The following OTUD7B variants were observed in gnomAD, a reference collection of about 807,000 sequenced individuals.
The protein encoded by OTUD7B is OTU deubiquitinase 7B, also known as OTU domain-containing protein 7B.
In OTUD7B, 34 loss-of-function variants were observed where a neutral mutation model predicts 82.2. The ratio of observed to expected loss-of-function variants is 0.41; its 90% CI spans 0.31 to 0.55. The LOEUF (loss-of-function observed/expected upper bound fraction) is 0.55, where lower values mean the gene tolerates loss of function less well. Ranked by LOEUF, OTUD7B falls within the 20% of genes least tolerant of loss-of-function variation. The pLI is 0.20. For synonymous variants in OTUD7B, 398 were observed against 402.7 expected, an observed-to-expected ratio of 0.99 and a Z score of 0.14; for missense variants, 944 against 1,062.1, an observed-to-expected ratio of 0.89 and a Z score of 1.55.
At chr1:150,046,823 C>G in the OTUD7B span, among the ~76,000 whole-genome samples, 1 of 151,768 alleles carries the variant, frequency 6.6e-6, no homozygotes, top group Admixed American at 6.6e-5. Flanking sequence ...GTAATCCCAG[C>G]ACTTTGGGAG....
At chr1:150,025,725 C>T in the OTUD7B span, among the ~76,000 whole-genome samples, 1 of 152,280 alleles carries the variant, frequency 6.6e-6, no homozygotes, top group African/African-American at 2.4e-5. Context: ...CATATTGGGT[C>T]AGGTGACCAT....
At chr1:150,014,082 G>A (rs57767970), upstream of OTUD7B, among the ~76,000 whole-genome samples, 6,887 of 31,770 alleles carry the variant, frequency 0.22, 240 homozygotes, top group African/African-American at 0.27. Flanking sequence ...GTGTGTGTGT[G>A]TGTATATATA....
At chr1:150,009,943 A>T (rs1177637809) in intron 1 of OTUD7B, among the ~76,000 whole-genome samples, 8 of 150,886 alleles carry the variant, frequency 5.3e-5, no homozygotes, top group African/African-American at 1.2e-4. Flanking sequence ...TCCCTCTCTC[A>T]CACACACACA....
chr1:150,000,351 T>TGTA (rs1652195809), intron 1 of OTUD7B, among the ~76,000 whole-genome samples: 1 of 152,036 alleles, frequency 6.6e-6, no homozygotes, highest in African/African-American at 2.4e-5. Flanking sequence ...AGCGCGCACC[T>TGTA]GTAGTCCCAG....
At chr1:149,991,920 A>G (rs1188720900) in intron 1 of OTUD7B, among the ~76,000 whole-genome samples, 5 of 152,222 alleles carry the variant, frequency 3.3e-5, no homozygotes, top group Non-Finnish European at 7.3e-5. Flanking sequence ...TATTTAGGAA[A>G]GGAAATCATC....
chr1:149,989,945 C>T (rs1651450481), intron 1 of OTUD7B, among the ~76,000 whole-genome samples: 1 of 152,132 alleles, frequency 6.6e-6, no homozygotes, highest in East Asian at 1.9e-4. Flanking sequence ...AAAACATCCA[C>T]CTGGCATCTG....
chr1:150,049,135 G>A, the OTUD7B span, among the ~76,000 whole-genome samples: 916 of 152,172 alleles, frequency 6.0e-3, 5 homozygotes, highest in Non-Finnish European at 9.3e-3. Context: ...ACCATGCCCC[G>A]TCTACTTAGA....
At chr1:150,003,256 A>G (rs1329460842) in intron 1 of OTUD7B, among the ~76,000 whole-genome samples, 1 of 10,994 alleles carries the variant, frequency 9.1e-5, no homozygotes, top group African/African-American at 3.8e-4. Flanking sequence ...TCTCAAAAAA[A>G]AAAAAAAAAA....
the OTUD7B span, chr1:150,067,610 G>A: frequency 2.4e-5 from 12 of 497,540 alleles, no homozygotes; most frequent in African/African-American, 1.6e-4. Flanking sequence ...GCCGCAGGTG[G>A]GTGGAGAATA....
the OTUD7B span, among the ~76,000 whole-genome samples, chr1:150,063,573 G>A: frequency 3.0e-4 from 45 of 152,262 alleles, no homozygotes; most frequent in African/African-American, 6.0e-4. Context: ...ATTCAGGATC[G>A]TTATTTTAAA....
the OTUD7B span, among the ~76,000 whole-genome samples, chr1:150,019,513 A>T: frequency 6.6e-6 from 1 of 152,208 alleles, no homozygotes; most frequent in African/African-American, 2.4e-5. Context: ...AATTACAGGC[A>T]TGGGCACCAT....
At chr1:149,986,182 G>A (rs1553780729) in intron 1 of OTUD7B, among the ~76,000 whole-genome samples, 1 of 151,332 alleles carries the variant, frequency 6.6e-6, no homozygotes, top group Non-Finnish European at 1.5e-5. Context: ...CAGCATCCAA[G>A]CACAGCAGGC....
intron 6 of OTUD7B, 134 bp downstream of exon 6, chr1:149,964,088 C>G (rs1553775998): frequency 9.9e-7 from 1 of 1,014,582 alleles, no homozygotes; most frequent in African/African-American, 1.6e-5. Context: ...ACTGCATTTT[C>G]TCCAATTTTC....
the OTUD7B span, among the ~76,000 whole-genome samples, chr1:150,041,425 C>T: frequency 6.6e-5 from 10 of 152,256 alleles, no homozygotes; most frequent in East Asian, 1.2e-3. Flanking sequence ...CTCCGCCTCC[C>T]GCGTTCAAGC....
At chr1:149,993,332 T>C (rs1392123509) in intron 1 of OTUD7B, among the ~76,000 whole-genome samples, 1 of 152,166 alleles carries the variant, frequency 6.6e-6, no homozygotes, top group Non-Finnish European at 1.5e-5. Flanking sequence ...GACTCAATCA[T>C]TCAAAAAGCA....
chr1:149,980,443 G>C (rs974051542), intron 1 of OTUD7B, among the ~76,000 whole-genome samples: 3 of 152,002 alleles, frequency 2.0e-5, no homozygotes, highest in African/African-American at 4.8e-5. Flanking sequence ...TGTTTGGGCC[G>C]GGCACAGTGG....
intron 1 of OTUD7B, among the ~76,000 whole-genome samples, chr1:149,998,835 T>A (rs773819965): frequency 2.1e-4 from 32 of 152,250 alleles, no homozygotes; most frequent in Non-Finnish European, 4.3e-4. Context: ...ATTTTCTGGG[T>A]CTCATTTTCC....
At chr1:150,018,012 G>C in the OTUD7B span, among the ~76,000 whole-genome samples, 4 of 152,056 alleles carry the variant, frequency 2.6e-5, no homozygotes, top group Non-Finnish European at 5.9e-5. Flanking sequence ...TGTTGCTTAT[G>C]GTCTATGGAC....
chr1:149,971,623 GTC>G (rs1649946024), intron 2 of OTUD7B, among the ~76,000 whole-genome samples: 1 of 152,062 alleles, frequency 6.6e-6, no homozygotes, highest in Non-Finnish European at 1.5e-5. Flanking sequence ...TCAGGCCCAG[GTC>G]TCCTAATTCT....
Sources: allele counts gnomAD v4.1 joint callset (sites outside exome capture counted in the v4.1 genomes callset), GRCh38; gene constraint gnomAD v4.1.1; transcripts MANE v1.5; gene names NCBI Gene and HGNC (gene_info 2026-07-23, HGNC 2026-07-21).